PKD1: variants seen among roughly 807,000 people sequenced by gnomAD.
PKD1 encodes the protein polycystin-1.
A neutral mutation model predicts 361.7 loss-of-function variants in PKD1; 81 were observed. The ratio of observed to expected loss-of-function variants is 0.22; its 90% CI spans 0.19 to 0.27. PKD1 has a LOEUF of 0.27. Among genes scored for constraint, PKD1 ranks in the 10% least tolerant of loss-of-function variants. PKD1 has a pLI of 1.00. For missense variants in PKD1, 6,399 were observed against 6,118.3 expected (o/e 1.05, Z -1.53); for synonymous variants, 3,615 against 2,818.3 (o/e 1.28, Z -8.95).
Position 2,099,990 on chromosome 16 carries a change from G to C in PKD1, c.9794C>G (p.Ser3265Cys), listed in dbSNP as rs1188643869. The part of the protein sequence containing the change: ...RGFFDKHIWL[S>C]IWDRPPRSRF... ...GCTACGAGGCGGCCGGTCCCATATG[G>C]AGAGCCAGATGTGCTTGTCAAAGAA... is the stretch of plus-strand genomic sequence containing the variant. The change falls in exon 29 of 46, where the codon TCC becomes TGC. Residue 3265 changes from serine (S) to cysteine (C), a missense_variant. Transcript: ENST00000262304. The C allele has an allele frequency of 1.3e-6, 2 of 1,565,266 alleles. No individual in the cohort carries two copies. Among genetic ancestry groups the C allele is most frequent in the Non-Finnish European group, 1.7e-6 (2 of 1,156,586 alleles).
chr16:2,101,192 A>T (rs2092082986), intron 26 of PKD1, among the ~76,000 whole-genome samples: 1 of 152,086 alleles, frequency 6.6e-6, no homozygotes, highest in African/African-American at 2.4e-5. Context: ...TTTCACCGTT[A>T]GCCAGGATGG....
intron 11 of PKD1, 106 bp from the exon 12 acceptor site, chr16:2,113,398 CAGAGG>C: frequency 8.7e-7 from 1 of 1,152,076 alleles, no homozygotes; most frequent in East Asian, 2.4e-5. Flanking sequence ...ACGCGGGGCA[CAGAGG>C]AGAGGAGGTG....
Position 2,097,380 on chromosome 16 carries a change from T to C in PKD1, c.10344A>G (p.Pro3448=). Residue 3448 remains proline (P), a synonymous_variant, in exon 33 of 46, where the codon CCA becomes CCG. Coordinates refer to ENST00000262304, the MANE Select transcript of PKD1 (RefSeq NM_001009944.3). ...TGGCCAGGGAGAAGCCGTCCTCCTCTGGGCCCAGCCCATGGCCCGCCTGGC... is the reference window on the plus strand; with the variant it reads ...TGGCCAGGGAGAAGCCGTCCTCCTCCGGGCCCAGCCCATGGCCCGCCTGGC... ...ARGQAGHGLG[P]EEDGFSLASP... 1.2e-6 allele frequency: 2 copies of C among 1,611,644 alleles called. No homozygotes were observed. Among genetic ancestry groups the C allele is most frequent in the African/African-American group, 1.3e-5 (1 of 75,056 alleles).
At position 2,104,712 on chromosome 16, in the gene PKD1, G is replaced by A. The variant is rs574614549; in HGVS notation, c.8017-70C>T. The A allele has an allele frequency of 1.4e-4, 119 of 874,604 alleles. 1 individual carries two copies. The highest frequency in any genetic ancestry group is 5.1e-4 in the South Asian group (36 of 70,580). 54.2% of individuals were successfully genotyped at this position (874,604 alleles called of 1,614,324 possible). A position where few individuals can be genotyped will look rare whatever the true frequency, so the allele number is the denominator to read the frequency against. ...CTTGCACACGCCCTCCTCTCTACAC[G>A]GGTCCTCACCTGGCTCCCACCCCCA... is the stretch of plus-strand genomic sequence containing the variant. On this transcript the variant is annotated intron_variant, in intron 21 of 45. Coordinates refer to ENST00000262304, the MANE Select transcript of PKD1 (RefSeq NM_001009944.3).
At chr16:2,108,176 G>A (rs578013963) in intron 15 of PKD1, 76 bp downstream of exon 15, 29 of 1,492,562 alleles carry the variant, frequency 1.9e-5, no homozygotes, top group African/African-American at 5.5e-5. Context: ...CAGCCCTGGT[G>A]GCAAGCTGGG....
At position 2,097,333 on chromosome 16, in the gene PKD1, G is replaced by C; in HGVS notation, c.10391C>G (p.Ser3464Cys). The part of the protein sequence containing the change: ...SLASPYSPAK[S>C]FSASDEDLIQ... ...CCCCAGCTCACCTGATGCTGAGAAG[G>C]ATTTGGCAGGCGAGTAGGGGCTGGC... Residue 3464 changes from serine (S) to cysteine (C), a missense_variant, in exon 33 of 46, where the codon TCC (serine) becomes TGC (cysteine). Ser to Cys is a moderately radical substitution (Grantham distance 112). Transcript: ENST00000262304. 2.5e-6 allele frequency: 4 copies of C among 1,612,832 alleles called. No individual in the cohort carries two copies. Among genetic ancestry groups the C allele is most frequent in the Non-Finnish European group, 3.4e-6 (4 of 1,179,982 alleles).
intron 26 of PKD1, among the ~76,000 whole-genome samples, chr16:2,101,550 G>C (rs1003161765): frequency 2.6e-5 from 4 of 152,202 alleles, no homozygotes; most frequent in African/African-American, 9.7e-5. Context: ...CCCGGGAGCT[G>C]GAAGTTGCTG....
At chr16:2,093,161 G>A (rs956522565) in intron 37 of PKD1, 68 bp from the exon 38 acceptor site, 27 of 1,579,658 alleles carry the variant, frequency 1.7e-5, no homozygotes, top group African/African-American at 5.4e-5. Context: ...CTTTGGCAAC[G>A]GCTGGAGCCA....
At chr16:2,091,338 G>GCGGGGCCCTGCGAGGC (rs1336780658) in intron 42 of PKD1, 85 bp downstream of exon 42, 36 of 646,000 alleles carry the variant, frequency 5.6e-5, no homozygotes, top group Admixed American at 3.2e-4. Context: ...CGCTGCGAGG[G>GCGGGGCCCTGCGAGGC]GTGAGACGCT....
At position 2,104,409 on chromosome 16, in the gene PKD1, G is replaced by A. The variant is rs1417941086; in HGVS notation, c.8161+89C>T. On this transcript the variant is annotated intron_variant, in intron 22 of 45. Transcript: ENST00000262304. ...GGGGAGGGGGACGAAGATGGGATGG[G>A]GCAAAGGCGACGCGGTTGGGGGGAG... 1.9e-5 allele frequency: 17 copies of A among 918,432 alleles called. No homozygotes were observed. In the East Asian group the frequency reaches 3.7e-4, roughly 20 times the overall value. The allele number at this position is 918,432 out of a possible 1,614,324, so 56.9% of individuals were successfully genotyped here. A position where few individuals can be genotyped will look rare whatever the true frequency, so the allele number is the denominator to read the frequency against.
chr16:2,096,451 A>G (rs1372944318), intron 34 of PKD1, among the ~76,000 whole-genome samples: 1 of 152,256 alleles, frequency 6.6e-6, no homozygotes, highest in Non-Finnish European at 1.5e-5. Flanking sequence ...TATGTGCGTG[A>G]CTACATACAA....
At chr16:2,115,156 A>G (rs2092609405) in intron 10 of PKD1, 1 of 806,894 alleles carries the variant, frequency 1.2e-6, no homozygotes, top group Admixed American at 6.2e-5. Context: ...CTGTGCTGGG[A>G]GAGAGGAAGA....
rs1567201926 is a variant in PKD1, at chr16:2,111,222, G to A, written c.3945C>T (p.Ala1315=). ...AGTGGGCCGGGTTCCCGGTGACGTA[G>A]GCCGTGAGCCGCGCGTCAGGCTGCG... ...IPTQPDARLT[A]YVTGNPAHYL... is the part of the protein sequence containing the mutation. The change falls in exon 15 of 46, where the codon GCC becomes GCT. Residue 1315 remains alanine, a synonymous_variant. Transcript: ENST00000262304. The A allele has an allele frequency of 6.2e-7, 1 of 1,611,262 alleles. No homozygotes were observed. The highest frequency in any genetic ancestry group is 2.2e-5 in the East Asian group (1 of 44,874).
intron 1 of PKD1, among the ~76,000 whole-genome samples, chr16:2,125,286 G>GC: frequency 6.6e-6 from 1 of 152,192 alleles, no homozygotes; most frequent in South Asian, 2.1e-4. Context: ...GGCCAGGGAG[G>GC]CCGGCCACAA....
chr16:2,116,005 G>C lies in PKD1; in HGVS notation c.1836C>G (p.Leu612=). 6.5e-7 allele frequency: 1 copy of C among 1,546,932 alleles called. No homozygotes were observed. Among genetic ancestry groups the C allele is most frequent in the Non-Finnish European group, 8.7e-7 (1 of 1,145,544 alleles). The change falls in exon 9 of 46, where the codon CTC becomes CTG. Residue 612 remains leucine (L), a synonymous_variant. Coordinates refer to ENST00000262304, the MANE Select transcript of PKD1 (RefSeq NM_001009944.3). ...CCAGAGTCCCACCTGCTGTGCTGAGGAGCCGGTACACCTGCAGCCGCAGCT... is the reference window on the plus strand; with the variant it reads ...CCAGAGTCCCACCTGCTGTGCTGAGCAGCCGGTACACCTGCAGCCGCAGCT... ...PAQLRLQVYR[L]LSTAGTPENG... is the part of the protein sequence containing the mutation.
rs2092439516 is a variant in PKD1, at chr16:2,109,242, C to T, written c.5925G>A (p.Gln1975=). The change falls in exon 15 of 46, where the codon CAG becomes CAA. Residue 1975 remains glutamine, a synonymous_variant. Coordinates refer to ENST00000262304, the MANE Select transcript of PKD1 (RefSeq NM_001009944.3). ...IVVLEAVSGL[Q]VPNCCEPGIA... ...TGCCAGGCTCGCAGCAGTTGGGCACCTGCAGCCCACTCACGGCCTCCAGCA... is the reference window on the plus strand; with the variant it reads ...TGCCAGGCTCGCAGCAGTTGGGCACTTGCAGCCCACTCACGGCCTCCAGCA... 1.3e-6 allele frequency: 2 copies of T among 1,588,530 alleles called. No individual in the cohort carries two copies. Among genetic ancestry groups the T allele is most frequent in the Non-Finnish European group, 1.7e-6 (2 of 1,167,226 alleles).
At chr16:2,114,963 G>C in intron 10 of PKD1, 38 bp from the exon 11 acceptor site, 1 of 1,524,774 alleles carries the variant, frequency 6.6e-7, no homozygotes, top group Non-Finnish European at 8.8e-7. Flanking sequence ...ACGTCCTCAC[G>C]GTCATGGCCC....
At chr16:2,104,388 AG>A (rs1199179861) in intron 22 of PKD1, 109 bp downstream of exon 22, 110 of 520,140 alleles carry the variant, frequency 2.1e-4, no homozygotes, top group Admixed American at 4.1e-4. Context: ...GGGGGAGGGG[AG>A]GGGGACGAAG....
chr16:2,089,355 T>C lies in PKD1; in HGVS notation c.*372A>G, dbSNP rs1596469286. ...GAGAGGTAATAACTTAGGGGCAGGG[T>C]GGCGGCGGTGCAGGCTAACCCTCCC... On this transcript the variant is annotated 3_prime_UTR_variant, in exon 46 of 46. Coordinates refer to ENST00000262304, the MANE Select transcript of PKD1 (RefSeq NM_001009944.3). 1.2e-5 allele frequency: 4 copies of C among 346,462 alleles called. No individual in the cohort carries two copies. The highest frequency in any genetic ancestry group is 2.1e-5 in the Non-Finnish European group (4 of 186,606). 21.5% of individuals were successfully genotyped at this position (346,462 alleles called of 1,614,324 possible).
Sources: allele counts gnomAD v4.1 joint callset (sites outside exome capture counted in the v4.1 genomes callset), GRCh38; gene constraint gnomAD v4.1.1; transcripts MANE v1.5; gene names NCBI Gene and HGNC (gene_info 2026-07-23, HGNC 2026-07-21).